GPHN: variants seen among roughly 807,000 people sequenced by gnomAD.
GPHN encodes gephyrin.
A neutral mutation model predicts 95.5 loss-of-function variants in GPHN; 17 were observed. That is an observed-to-expected ratio of 0.18 (90% CI 0.12 to 0.27). The LOEUF (loss-of-function observed/expected upper bound fraction) is 0.27, where lower values mean the gene tolerates loss of function less well. GPHN is among the 10% of genes least tolerant of loss of function. The pLI is 1.00. For missense variants in GPHN, 660 were observed against 978.1 expected, an observed-to-expected ratio of 0.67 and a Z score of 4.34; for synonymous variants, 320 against 322.5, an observed-to-expected ratio of 0.99 and a Z score of 0.08.
chr14:67,292,453 G>C, the GPHN span: 1 of 1,153,462 alleles, frequency 8.7e-7, no homozygotes, highest in Admixed American at 2.0e-5. Flanking sequence ...CTCTGAAAAT[G>C]CATGTTGAAT....
At chr14:66,864,480 A>G (rs1396376081) in intron 4 of GPHN, among the ~76,000 whole-genome samples, 2 of 152,140 alleles carry the variant, frequency 1.3e-5, no homozygotes, top group Non-Finnish European at 2.9e-5. Context: ...ACCCAAAAGA[A>G]TGGAAATCAA....
the GPHN span, chr14:67,674,330 C>A: frequency 4.0e-6 from 6 of 1,487,054 alleles, no homozygotes; most frequent in African/African-American, 8.7e-5. Flanking sequence ...CCTTCCAAAG[C>A]GCGCAGGGCT....
chr14:66,510,872 A>G (rs1290732038), intron 1 of GPHN, among the ~76,000 whole-genome samples: 4 of 152,196 alleles, frequency 2.6e-5, no homozygotes, highest in African/African-American at 9.6e-5. Context: ...AGTGGAATTA[A>G]AGACAGTCAG....
chr14:67,500,856 C>G, the GPHN span, among the ~76,000 whole-genome samples: 1 of 151,982 alleles, frequency 6.6e-6, no homozygotes, highest in Non-Finnish European at 1.5e-5. Context: ...CAGGCATGAG[C>G]CACCGCGCCT....
chr14:67,595,756 A>C, the GPHN span, among the ~76,000 whole-genome samples: 15 of 69,150 alleles, frequency 2.2e-4, no homozygotes, highest in East Asian at 4.6e-3. Flanking sequence ...CAACTAGAGG[A>C]CGCTAAGGGT....
the GPHN span, among the ~76,000 whole-genome samples, chr14:67,208,925 AG>A: frequency 2.6e-5 from 4 of 151,890 alleles, no homozygotes; most frequent in African/African-American, 9.7e-5. Flanking sequence ...GAAAAAAAAA[AG>A]AAGCACGGAA....
intron 11 of GPHN, among the ~76,000 whole-genome samples, chr14:67,066,821 C>T (rs1049296981): frequency 6.6e-6 from 1 of 152,148 alleles, no homozygotes; most frequent in Non-Finnish European, 1.5e-5. Context: ...TTCTCATTAG[C>T]CATTCGTCTA....
chr14:67,308,175 C>G, the GPHN span, among the ~76,000 whole-genome samples: 1 of 151,364 alleles, frequency 6.6e-6, no homozygotes, highest in Non-Finnish European at 1.5e-5. Flanking sequence ...CAACAAACCC[C>G]CAACACACAA....
chr14:67,216,303 G>T, the GPHN span, among the ~76,000 whole-genome samples: 2 of 151,886 alleles, frequency 1.3e-5, no homozygotes, highest in African/African-American at 4.8e-5. Flanking sequence ...TTTTTGTCAT[G>T]TCCTTGTCTG....
chr14:67,328,703 C>A, the GPHN span, among the ~76,000 whole-genome samples: 1 of 152,160 alleles, frequency 6.6e-6, no homozygotes, highest in South Asian at 2.1e-4. Flanking sequence ...TATGGCTAGC[C>A]AGTTTTCCCA....
chr14:66,904,749 C>T (rs2065291323), intron 5 of GPHN, among the ~76,000 whole-genome samples: 1 of 152,088 alleles, frequency 6.6e-6, no homozygotes, highest in Non-Finnish European at 1.5e-5. Context: ...ACTCTCTAGG[C>T]CAGCCAAAGG....
intron 1 of GPHN, among the ~76,000 whole-genome samples, chr14:66,512,298 A>G (rs1391936040): frequency 6.6e-6 from 1 of 151,934 alleles, no homozygotes; most frequent in East Asian, 1.9e-4. Context: ...TTATCAAAGC[A>G]GCATACTAGT....
the GPHN span, among the ~76,000 whole-genome samples, chr14:67,488,288 C>A: frequency 6.6e-6 from 1 of 152,262 alleles, no homozygotes; most frequent in African/African-American, 2.4e-5. Context: ...AAGCTGACAA[C>A]CTGTGAGGCA....
intron 1 of GPHN, among the ~76,000 whole-genome samples, chr14:66,605,526 G>A (rs929500605): frequency 3.2e-5 from 4 of 123,370 alleles, no homozygotes; most frequent in African/African-American, 1.5e-4. Flanking sequence ...ATCCTTTGCC[G>A]ATTTTTTTTT....
Position 66,952,931 on chromosome 14 carries a change from T to A in GPHN, c.829-12260T>A, listed in dbSNP as rs527482904. ...GGCCGGTCTCAAACTCCTGACCTCA[T>A]GATCTTCCAGCCTCGGCCCCCTAAA... is the stretch of plus-strand genomic sequence containing the variant. On this transcript the variant is annotated intron_variant, in intron 8 of 22. Transcript: ENST00000478722. 9.8e-4 allele frequency among the ~76,000 whole-genome samples: 149 copies of A among 151,970 alleles called. 2 individuals carry two copies. Among genetic ancestry groups the A allele is most frequent in the Middle Eastern group, 3.4e-3 (1 of 294 alleles).
the GPHN span, among the ~76,000 whole-genome samples, chr14:67,311,297 C>T: frequency 7.6e-6 from 1 of 131,002 alleles, no homozygotes; most frequent in African/African-American, 3.0e-5. Context: ...GGCAACAGAG[C>T]GAGACTCCGT....
chr14:66,636,583 C>CA (rs1480096620), intron 1 of GPHN, among the ~76,000 whole-genome samples: 1 of 152,078 alleles, frequency 6.6e-6, no homozygotes, highest in African/African-American at 2.4e-5. Flanking sequence ...AAAAATTACA[C>CA]AGTTTATATC....
chr14:67,613,251 T>A, the GPHN span: 1 of 155,952 alleles, frequency 6.4e-6, no homozygotes, highest in Non-Finnish European at 1.4e-5. Flanking sequence ...ATAACCCTAA[T>A]AGTGCAAGAC....
the GPHN span, among the ~76,000 whole-genome samples, chr14:67,365,199 T>C: frequency 6.6e-6 from 1 of 152,218 alleles, no homozygotes; most frequent in Non-Finnish European, 1.5e-5. Context: ...AGTAGTTTAA[T>C]TAGTACATCC....
Sources: gnomAD v4.1 joint callset for allele counts (sites outside exome capture counted in the v4.1 genomes callset) on GRCh38, gnomAD v4.1.1 for gene constraint, MANE v1.5 for transcripts, NCBI Gene and HGNC (gene_info 2026-07-23, HGNC 2026-07-21) for gene names.